CDH18: variants seen among roughly 807,000 people sequenced by gnomAD.
CDH18 encodes the protein cadherin-18.
In CDH18, 31 loss-of-function variants were observed where a neutral mutation model predicts 67.9. That is an observed-to-expected ratio of 0.46 (90% CI 0.34 to 0.62). CDH18 has a LOEUF of 0.62. Ranked by LOEUF, CDH18 falls within the 20% of genes least tolerant of loss-of-function variation. The pLI is 0.01. For missense variants in CDH18, 890 were observed against 975.5 expected (o/e 0.91, Z 1.17); for synonymous variants, 362 against 347.2 (o/e 1.04, Z -0.48).
chr5:19,553,346 T>C (rs778405185), intron 8 of CDH18, among the ~76,000 whole-genome samples: 4 of 152,022 alleles, frequency 2.6e-5, no homozygotes, highest in Non-Finnish European at 4.4e-5. Flanking sequence ...AGTGACCTAC[T>C]TAGAGAAATA....
intron 2 of CDH18, among the ~76,000 whole-genome samples, chr5:19,947,585 C>CAA (rs35601486): frequency 1.7e-4 from 9 of 53,310 alleles, no homozygotes; most frequent in Admixed American, 6.6e-4. Flanking sequence ...TACTAAAATA[C>CAA]AAAAAAAAAA....
At chr5:19,675,260 G>C (rs2150363484) in intron 5 of CDH18, among the ~76,000 whole-genome samples, 1 of 133,670 alleles carries the variant, frequency 7.5e-6, no homozygotes, top group Admixed American at 8.0e-5. Context: ...ATGAAGTTTT[G>C]GGCATGCATT....
chr5:20,378,359 G>C (rs1339094505), intron 1 of CDH18, among the ~76,000 whole-genome samples: 1 of 152,008 alleles, frequency 6.6e-6, no homozygotes, highest in Admixed American at 6.6e-5. Context: ...TTTTAGTAGA[G>C]ACGGGGTTTC....
intron 6 of CDH18, among the ~76,000 whole-genome samples, chr5:19,605,287 G>C (rs139023061): frequency 2.6e-4 from 39 of 151,708 alleles, no homozygotes; most frequent in African/African-American, 8.9e-4. Flanking sequence ...TTGTTAGAAA[G>C]AATATGATCT....
At chr5:19,805,517 T>C (rs973924224) in intron 3 of CDH18, among the ~76,000 whole-genome samples, 14 of 152,310 alleles carry the variant, frequency 9.2e-5, no homozygotes, top group African/African-American at 3.4e-4. Context: ...TAAACTCCAG[T>C]GTCTCCTGAT....
chr5:19,932,125 G>T (rs1327676680), intron 2 of CDH18, among the ~76,000 whole-genome samples: 1 of 151,768 alleles, frequency 6.6e-6, no homozygotes, highest in Admixed American at 6.6e-5. Context: ...AGAATGAACT[G>T]TAGATTCCAT....
intron 1 of CDH18, among the ~76,000 whole-genome samples, chr5:20,378,715 G>C (rs1020912059): frequency 6.6e-6 from 1 of 152,058 alleles, no homozygotes; most frequent in Non-Finnish European, 1.5e-5. Flanking sequence ...ATTCATTGCT[G>C]TTGAACTGAG....
intron 11 of CDH18, among the ~76,000 whole-genome samples, chr5:19,490,766 A>G (rs541064846): frequency 6.6e-6 from 1 of 151,952 alleles, no homozygotes; most frequent in East Asian, 1.9e-4. Context: ...TTGCTTAGTG[A>G]ATATGAGTCA....
At chr5:19,820,184 C>T (rs1779718518) in intron 3 of CDH18, among the ~76,000 whole-genome samples, 1 of 152,108 alleles carries the variant, frequency 6.6e-6, no homozygotes, top group South Asian at 2.1e-4. Flanking sequence ...TTGGTCATCC[C>T]TCTCTCCACA....
At position 20,280,568 on chromosome 5, in the gene CDH18, T is replaced by C. The variant is rs535451080; in HGVS notation, c.-579-25063A>G. Among the ~76,000 whole-genome samples the C allele has an allele frequency of 9.2e-5, 14 of 152,340 alleles. 1 individual carries two copies. The South Asian group carries it at 2.9e-3, about 32-fold the overall frequency. On this transcript the variant is annotated intron_variant, in intron 1 of 14. Transcript: ENST00000507958. ...TTTTTTATGGCTGCATAGTATTCCA[T>C]GGTGTATATGTGCCACATTTTCTTA...
chr5:19,949,019 G>A (rs1255052272), intron 2 of CDH18, among the ~76,000 whole-genome samples: 2 of 152,074 alleles, frequency 1.3e-5, no homozygotes, highest in Non-Finnish European at 2.9e-5. Flanking sequence ...AAACATGATT[G>A]AAAGCTTCAC....
chr5:20,457,716 A>G (rs922239778), intron 1 of CDH18, among the ~76,000 whole-genome samples: 9 of 152,328 alleles, frequency 5.9e-5, no homozygotes, highest in African/African-American at 2.2e-4. Flanking sequence ...AAGCCAGTAG[A>G]TCATGAATTT....
At position 20,488,700 on chromosome 5, in the gene CDH18, T is replaced by TATATATATAC. The variant is rs369185147; in HGVS notation, c.-580+86761_-580+86762insGTATATATAT. Among the ~76,000 whole-genome samples the TATATATATAC allele has an allele frequency of 4.7e-3, 647 of 137,220 alleles. 4 individuals carry two copies. Among genetic ancestry groups the TATATATATAC allele is most frequent in the Middle Eastern group, 7.9e-3 (2 of 252 alleles). The allele number at this position is 137,220 out of a possible 152,430, so 90.0% of individuals were successfully genotyped here. On this transcript the variant is annotated intron_variant, in intron 1 of 14. Coordinates refer to the CDH18 transcript ENST00000507958. ...ATATATATATATATATATATATATA[T>TATATATATAC]ACACACACATACAATTGTTTATCAA...
intron 2 of CDH18, among the ~76,000 whole-genome samples, chr5:20,194,957 G>A (rs1354820016): frequency 2.0e-5 from 3 of 151,900 alleles, no homozygotes; most frequent in African/African-American, 7.2e-5. Flanking sequence ...ATTTTCATGA[G>A]GATGCTTTGA....
chr5:20,171,050 A>G (rs66879707), intron 2 of CDH18, among the ~76,000 whole-genome samples: 113 of 35,058 alleles, frequency 3.2e-3, no homozygotes, highest in African/African-American at 9.0e-3. Flanking sequence ...TTTTTTTTTT[A>G]TATATATATA....
rs185473382 is a variant in CDH18 at position 19,596,536 on chromosome 5, C to T, written c.812-5292G>A. Among the ~76,000 whole-genome samples, 395 of 151,946 alleles carry T rather than the reference C, an allele frequency of 2.6e-3. 2 individuals carry two copies. The highest frequency in any genetic ancestry group is 8.5e-3 in the African/African-American group (353 of 41,310). ...ATACTAGGATGGTAACACTAGAAAACCAAAGATGTCTTAGTTAACAGAGAT... is the reference window on the plus strand; with the variant it reads ...ATACTAGGATGGTAACACTAGAAAATCAAAGATGTCTTAGTTAACAGAGAT... On this transcript the variant is annotated intron_variant, in intron 6 of 12. Coordinates refer to ENST00000382275, the MANE Select transcript of CDH18 (RefSeq NM_004934.5).
intron 5 of CDH18, among the ~76,000 whole-genome samples, chr5:19,706,723 C>T (rs1371623644): frequency 4.6e-5 from 7 of 152,160 alleles, no homozygotes; most frequent in Non-Finnish European, 2.9e-5. Context: ...CAAATTCCAG[C>T]TACATTTTTA....
chr5:20,032,341 T>A (rs999798573), intron 2 of CDH18, among the ~76,000 whole-genome samples: 1 of 151,822 alleles, frequency 6.6e-6, no homozygotes, highest in Non-Finnish European at 1.5e-5. Context: ...GAGCAAGATA[T>A]TTTTCAGCAA....
At chr5:20,032,295 T>C (rs921056561) in intron 2 of CDH18, among the ~76,000 whole-genome samples, 5 of 151,492 alleles carry the variant, frequency 3.3e-5, no homozygotes, top group Admixed American at 6.6e-5. Context: ...AACCAGTGAC[T>C]GTCCCTGACT....
Sources: allele counts gnomAD v4.1 joint callset (sites outside exome capture counted in the v4.1 genomes callset), GRCh38; gene constraint gnomAD v4.1.1; transcripts MANE v1.5; gene names NCBI Gene and HGNC (gene_info 2026-07-23, HGNC 2026-07-21).